Variants in SORCS3 observed in about 807,000 individuals in gnomAD.
SORCS3 encodes sortilin related VPS10 domain containing receptor 3.
A neutral mutation model predicts 146.3 loss-of-function variants in SORCS3; 57 were observed. The observed-to-expected ratio is 0.39, with a 90% CI of 0.31 to 0.49. SORCS3 has a LOEUF of 0.49. Ranked by LOEUF, SORCS3 falls within the 20% of genes least tolerant of loss-of-function variation. The probability of loss-of-function intolerance (pLI) is 0.92; values close to 1 mark genes in which losing one functional copy is unlikely to be tolerated. For synonymous variants in SORCS3, 653 were observed against 618.5 expected (o/e 1.06, Z -0.83); for missense variants, 1,341 against 1,575.5 (o/e 0.85, Z 2.52).
intron 1 of SORCS3, among the ~76,000 whole-genome samples, chr10:104,820,610 TC>T (rs1179015194): frequency 1.3e-4 from 20 of 152,316 alleles, no homozygotes; most frequent in African/African-American, 4.8e-4. Context: ...AGCCCTGTGT[TC>T]TGTTTGGTCA....
chr10:105,108,258 G>T (rs2055836258), intron 7 of SORCS3, among the ~76,000 whole-genome samples: 1 of 152,122 alleles, frequency 6.6e-6, no homozygotes, highest in African/African-American at 2.4e-5. Flanking sequence ...GCTTCCTTGA[G>T]CCCACATGAA....
chr10:104,851,237 C>G (rs2018271119), intron 2 of SORCS3, among the ~76,000 whole-genome samples: 1 of 152,168 alleles, frequency 6.6e-6, no homozygotes, highest in African/African-American at 2.4e-5. Context: ...TCTTTTTATG[C>G]CTCTTTTTTC....
intron 20 of SORCS3, among the ~76,000 whole-genome samples, chr10:105,244,601 T>C (rs2056854921): frequency 6.6e-6 from 1 of 152,166 alleles, no homozygotes; most frequent in African/African-American, 2.4e-5. Flanking sequence ...GTTATGATTA[T>C]TGGGGGAAAA....
chr10:104,706,650 T>A (rs2133435476), intron 1 of SORCS3, among the ~76,000 whole-genome samples: 1 of 152,324 alleles, frequency 6.6e-6, no homozygotes, highest in South Asian at 2.1e-4. Flanking sequence ...TATGCATCAG[T>A]GTCCCTCTCC....
At chr10:105,219,002 G>A (rs767212795) in intron 19 of SORCS3, among the ~76,000 whole-genome samples, 19 of 151,978 alleles carry the variant, frequency 1.3e-4, no homozygotes, top group Non-Finnish European at 2.4e-4. Flanking sequence ...GAGACAGAGC[G>A]AGACCCCGTC....
At chr10:104,669,133 G>T (rs1183604911) in intron 1 of SORCS3, among the ~76,000 whole-genome samples, 1 of 151,918 alleles carries the variant, frequency 6.6e-6, no homozygotes, top group African/African-American at 2.4e-5. Context: ...AGGGGAAAGG[G>T]TAGTAGCTAC....
At chr10:104,977,650 T>G (rs1162351370) in intron 4 of SORCS3, among the ~76,000 whole-genome samples, 157 bp downstream of exon 4, 1 of 152,148 alleles carries the variant, frequency 6.6e-6, no homozygotes, top group Non-Finnish European at 1.5e-5. Flanking sequence ...GCAACTAACT[T>G]TCCTTTCTGC....
At chr10:104,672,683 TTC>T (rs1333218378) in intron 1 of SORCS3, among the ~76,000 whole-genome samples, 1 of 152,204 alleles carries the variant, frequency 6.6e-6, no homozygotes, top group Non-Finnish European at 1.5e-5. Context: ...ATTTTCTAAT[TTC>T]TGTTTTGATG....
At chr10:105,114,775 A>ATATTC (rs1209947175) in intron 7 of SORCS3, among the ~76,000 whole-genome samples, 1 of 152,130 alleles carries the variant, frequency 6.6e-6, no homozygotes, top group Non-Finnish European at 1.5e-5. Context: ...ACTCTCAGTA[A>ATATTC]TATTCTATAG....
intron 26 of SORCS3, 76 bp from the exon 27 acceptor site, chr10:105,263,234 A>G (rs976849827): frequency 7.0e-6 from 10 of 1,421,640 alleles, no homozygotes; most frequent in Non-Finnish European, 8.9e-6. Flanking sequence ...CTTGGTATTT[A>G]GCAGTGAATA....
At chr10:104,968,118 A>C (rs1209478213) in intron 3 of SORCS3, among the ~76,000 whole-genome samples, 2 of 152,100 alleles carry the variant, frequency 1.3e-5, no homozygotes, top group African/African-American at 4.8e-5. Flanking sequence ...ATGAGATAAC[A>C]GACTTGGGAT....
intron 1 of SORCS3, among the ~76,000 whole-genome samples, chr10:104,811,975 C>T (rs1004932047): frequency 6.6e-6 from 1 of 151,996 alleles, no homozygotes; most frequent in Non-Finnish European, 1.5e-5. Context: ...TATACGTGTG[C>T]CCCATACATT....
chr10:105,121,367 A>C (rs1387490458), intron 7 of SORCS3, among the ~76,000 whole-genome samples: 2 of 152,154 alleles, frequency 1.3e-5, no homozygotes, highest in Non-Finnish European at 2.9e-5. Flanking sequence ...TTTTCTATGG[A>C]GGAAACCAAG....
chr10:104,651,448 C>T lies in SORCS3; in HGVS notation c.627+9494C>T, dbSNP rs953455729. Among the ~76,000 whole-genome samples the T allele has an allele frequency of 3.4e-5, 5 of 148,676 alleles. 1 individual carries two copies. The South Asian group carries it at 1.1e-3, about 32-fold the overall frequency. Reference sequence around the variant, plus strand: ...AATGTTAATTTTTGTAATTCCAGTACTTTGGGAGGCTGAGGCGGGCAGATC... The same window carrying T: ...AATGTTAATTTTTGTAATTCCAGTATTTTGGGAGGCTGAGGCGGGCAGATC... On this transcript the variant is annotated intron_variant, in intron 1 of 26. Coordinates refer to ENST00000369701, the MANE Select transcript of SORCS3 (RefSeq NM_014978.3).
At chr10:104,795,530 A>T (rs1161448878) in intron 1 of SORCS3, among the ~76,000 whole-genome samples, 1 of 152,270 alleles carries the variant, frequency 6.6e-6, no homozygotes, top group Non-Finnish European at 1.5e-5. Flanking sequence ...GTTCTTCCCT[A>T]CAAGAATGTA....
chr10:105,211,258 A>G lies in SORCS3; in HGVS notation c.2375+8A>G. 1 of 1,589,446 alleles carries G rather than the reference A, an allele frequency of 6.3e-7. No individual in the cohort carries two copies. Among genetic ancestry groups the G allele is most frequent in the South Asian group, 1.1e-5 (1 of 90,456 alleles). On this transcript the variant is annotated splice_region_variant and intron_variant, in intron 17 of 26. Transcript: ENST00000369701. ...CTACCTTAACAGCACTGGGTAAGTAAAACACCTACAGGAACTCAGCTCCCT... is the reference window on the plus strand; with the variant it reads ...CTACCTTAACAGCACTGGGTAAGTAGAACACCTACAGGAACTCAGCTCCCT...
chr10:105,169,592 GT>G (rs574877528), intron 13 of SORCS3, among the ~76,000 whole-genome samples: 34 of 152,220 alleles, frequency 2.2e-4, no homozygotes, highest in African/African-American at 7.7e-4. Context: ...AGTGTTCAGG[GT>G]ACTATTTGAT....
At chr10:104,677,909 C>CATT (rs1589454617) in intron 1 of SORCS3, among the ~76,000 whole-genome samples, 1 of 152,142 alleles carries the variant, frequency 6.6e-6, no homozygotes, top group African/African-American at 2.4e-5. Context: ...GGACCAATCT[C>CATT]ATTATTACAT....
chr10:105,022,720 A>G (rs377529633), intron 4 of SORCS3, among the ~76,000 whole-genome samples: 1 of 152,114 alleles, frequency 6.6e-6, no homozygotes, highest in Non-Finnish European at 1.5e-5. Flanking sequence ...GGGAAAGGAC[A>G]TTGTTATTGT....
Sources: gnomAD v4.1 joint callset for allele counts (sites outside exome capture counted in the v4.1 genomes callset) on GRCh38, gnomAD v4.1.1 for gene constraint, MANE v1.5 for transcripts, NCBI Gene and HGNC (gene_info 2026-07-23, HGNC 2026-07-21) for gene names.